SLC25A40: variants seen among roughly 807,000 people sequenced by gnomAD.
SLC25A40 encodes the protein mitochondrial glutathione transporter SLC25A40.
SLC25A40 carries 41 observed loss-of-function variants against 46.5 expected under a neutral mutation model. The ratio of observed to expected loss-of-function variants is 0.88; its 90% CI spans 0.69 to 1.14. SLC25A40 has a LOEUF of 1.14. SLC25A40 is among the 50% of genes most tolerant of loss of function. SLC25A40 has a pLI of 0.00. For synonymous variants in SLC25A40, 126 were observed against 127.5 expected, an observed-to-expected ratio of 0.99 and a Z score of 0.08; for missense variants, 386 against 393.6, an observed-to-expected ratio of 0.98 and a Z score of 0.16.
intron 5 of SLC25A40, among the ~76,000 whole-genome samples, chr7:87,853,309 A>G (rs1448514218): frequency 6.6e-6 from 1 of 152,218 alleles, no homozygotes; most frequent in Non-Finnish European, 1.5e-5. Flanking sequence ...CTGGTAAAAT[A>G]AAAGTAGTGA....
intron 4 of SLC25A40, among the ~76,000 whole-genome samples, 199 bp from the exon 5 acceptor site, chr7:87,854,509 C>T (rs1236786211): frequency 6.6e-6 from 1 of 152,160 alleles, no homozygotes. Context: ...TACTGCAATG[C>T]ATTCTAAACT....
chr7:87,873,302 A>G (rs1838922724), intron 1 of SLC25A40, among the ~76,000 whole-genome samples: 5 of 152,166 alleles, frequency 3.3e-5, no homozygotes, highest in Admixed American at 2.6e-4. Context: ...AAAAATTTAT[A>G]TTTGGGTATG....
chr7:87,858,880 A>T (rs1838653659), intron 2 of SLC25A40, 129 bp from the exon 3 acceptor site: 1 of 614,498 alleles, frequency 1.6e-6, no homozygotes, highest in Non-Finnish European at 2.9e-6. Context: ...CCAAACAGAT[A>T]CTGACAGAAT....
At chr7:87,865,639 G>A (rs1468244082) in intron 1 of SLC25A40, among the ~76,000 whole-genome samples, 1 of 152,168 alleles carries the variant, frequency 6.6e-6, no homozygotes, top group Non-Finnish European at 1.5e-5. Flanking sequence ...AGGTGCAGTG[G>A]TGCATGCCTG....
intron 1 of SLC25A40, among the ~76,000 whole-genome samples, chr7:87,875,444 A>G (rs1838980003): frequency 6.6e-6 from 1 of 152,140 alleles, no homozygotes; most frequent in South Asian, 2.1e-4. Context: ...GACTTCCTTG[A>G]GCTACCAGGT....
chr7:87,855,203 A>G (rs1838590471), intron 4 of SLC25A40, among the ~76,000 whole-genome samples: 1 of 152,062 alleles, frequency 6.6e-6, no homozygotes. Flanking sequence ...ACTTCTTTTA[A>G]GTTATCTGAG....
At chr7:87,866,680 A>C (rs887836802) in intron 1 of SLC25A40, among the ~76,000 whole-genome samples, 1 of 152,174 alleles carries the variant, frequency 6.6e-6, no homozygotes, top group African/African-American at 2.4e-5. Flanking sequence ...CAGGGAGATA[A>C]CACTCCTTGA....
intron 1 of SLC25A40, among the ~76,000 whole-genome samples, chr7:87,861,043 C>A (rs1361622897): frequency 1.3e-5 from 2 of 152,060 alleles, no homozygotes; most frequent in Non-Finnish European, 2.9e-5. Flanking sequence ...TGAATCGAAA[C>A]AATCTTTAAT....
chr7:87,842,565 G>C (rs1838352311), intron 9 of SLC25A40, among the ~76,000 whole-genome samples: 1 of 151,862 alleles, frequency 6.6e-6, no homozygotes. Flanking sequence ...AAAGATTTCA[G>C]GTAAGGTAAA....
chr7:87,852,160 C>T (rs1838523095), intron 5 of SLC25A40, among the ~76,000 whole-genome samples: 1 of 151,964 alleles, frequency 6.6e-6, no homozygotes, highest in South Asian at 2.1e-4. Flanking sequence ...AATTAACATA[C>T]AAGTTGAATG....
At chr7:87,867,646 T>G (rs994141004) in intron 1 of SLC25A40, among the ~76,000 whole-genome samples, 1 of 152,176 alleles carries the variant, frequency 6.6e-6, no homozygotes, top group African/African-American at 2.4e-5. Flanking sequence ...TTATTTCCTA[T>G]AGATTTATGT....
chr7:87,837,705 C>G (rs1258478744), intron 10 of SLC25A40, among the ~76,000 whole-genome samples: 2 of 150,858 alleles, frequency 1.3e-5, no homozygotes, highest in South Asian at 2.1e-4. Flanking sequence ...CTACTAGATG[C>G]AATAAGATTA....
chr7:87,868,850 T>G (rs754357798), intron 1 of SLC25A40, among the ~76,000 whole-genome samples: 1 of 152,190 alleles, frequency 6.6e-6, no homozygotes, highest in Non-Finnish European at 1.5e-5. Flanking sequence ...AACTTGACCT[T>G]CAGCTCCTCT....
Position 87,848,057 on chromosome 7 carries a change from T to C in SLC25A40, c.333-80A>G, listed in dbSNP as rs953721850. ...CTTAACTTAAATTCAAATATTATTA[T>C]ATAAGCTAAAAAAGTCTTATATTTT... On this transcript the variant is annotated intron_variant, in intron 6 of 11. Transcript: ENST00000341119. 1.6e-5 allele frequency: 24 copies of C among 1,457,128 alleles called. No homozygotes were observed. The African/African-American group carries it at 3.1e-4, about 19-fold the overall frequency. 90.3% of individuals were successfully genotyped at this position (1,457,128 alleles called of 1,614,324 possible).
chr7:87,854,683 G>A (rs1838576487), intron 4 of SLC25A40, among the ~76,000 whole-genome samples: 1 of 151,618 alleles, frequency 6.6e-6, no homozygotes, highest in African/African-American at 2.4e-5. Context: ...GTGGTGGCGG[G>A]CGCCTGTAGT....
In SLC25A40 at chr7:87,834,440, C is replaced by G. The variant is rs1838232060; in HGVS notation, c.*1809G>C. 6.6e-6 allele frequency: 1 copy of G among 151,412 alleles called. No homozygotes were observed. Among genetic ancestry groups the G allele is most frequent in the East Asian group, 1.9e-4 (1 of 5,192 alleles). 9.4% of individuals were successfully genotyped at this position (151,412 alleles called of 1,614,324 possible). ...CTTAAATATAAAGAAAGCTTCAATT[C>G]AGCCTTCTATTCATCCAGATACATT... On this transcript the variant is annotated 3_prime_UTR_variant, in exon 12 of 12. Coordinates refer to ENST00000341119, the MANE Select transcript of SLC25A40 (RefSeq NM_018843.4).
chr7:87,869,592 C>T (rs1323784412), intron 1 of SLC25A40, among the ~76,000 whole-genome samples: 1 of 151,444 alleles, frequency 6.6e-6, no homozygotes, highest in African/African-American at 2.4e-5. Context: ...TCAGTTCGTA[C>T]CCCCTTTTTT....
At chr7:87,873,381 ATAT>A (rs1356451161) in intron 1 of SLC25A40, among the ~76,000 whole-genome samples, 1 of 152,048 alleles carries the variant, frequency 6.6e-6, no homozygotes, top group Non-Finnish European at 1.5e-5. Context: ...AGACTGAACA[ATAT>A]TATCTTCATT....
rs1282614257 is a variant in SLC25A40 at position 87,845,192 on chromosome 7, GA to G, written c.632-1330del. ...CCTGAAGTCAGAAACATTAACCAGCGAAACAGATCCATGCATACATGAAAAT... is the reference window on the plus strand; with the variant it reads ...CCTGAAGTCAGAAACATTAACCAGCGAACAGATCCATGCATACATGAAAAT... On this transcript the variant is annotated intron_variant, in intron 8 of 11. Transcript: ENST00000341119. Among the ~76,000 whole-genome samples the G allele has an allele frequency of 8.5e-5, 13 of 152,236 alleles. No individual in the cohort carries two copies. In the East Asian group the frequency reaches 2.1e-3, roughly 25 times the overall value.
Sources: allele counts gnomAD v4.1 joint callset (sites outside exome capture counted in the v4.1 genomes callset), GRCh38; gene constraint gnomAD v4.1.1; transcripts MANE v1.5; gene names NCBI Gene and HGNC (gene_info 2026-07-23, HGNC 2026-07-21).